The following UQCRFS1 variants were observed in gnomAD, a reference collection of about 807,000 sequenced individuals.
The protein encoded by UQCRFS1 is cytochrome b-c1 complex subunit Rieske, mitochondrial.
UQCRFS1 carries 6 observed loss-of-function variants against 15.6 expected under a neutral mutation model. The ratio of observed to expected loss-of-function variants is 0.38; its 90% confidence interval spans 0.21 to 0.76. The LOEUF (loss-of-function observed/expected upper bound fraction) is 0.76, where lower values mean the gene tolerates loss of function less well. Among genes scored for constraint, UQCRFS1 ranks in the 30% least tolerant of loss-of-function variants. The probability of loss-of-function intolerance (pLI) is 0.44; values close to 1 mark genes in which losing one functional copy is unlikely to be tolerated. For missense variants in UQCRFS1, 203 were observed against 366.7 expected, an observed-to-expected ratio of 0.55 and a Z score of 3.65; for synonymous variants, 105 against 154.3, an observed-to-expected ratio of 0.68 and a Z score of 2.37.
intron 1 of UQCRFS1, among the ~76,000 whole-genome samples, chr19:29,212,168 G>A (rs949669336): frequency 1.3e-5 from 2 of 152,192 alleles, no homozygotes; most frequent in Admixed American, 1.3e-4. Flanking sequence ...AGGACAGAGG[G>A]TGTGGAATAG....
chr19:29,212,969 G>A lies in UQCRFS1; in HGVS notation c.150C>T (p.Leu50=), dbSNP rs953154482. 8.6e-6 allele frequency: 12 copies of A among 1,401,360 alleles called. No homozygotes were observed. Among genetic ancestry groups the A allele is most frequent in the East Asian group, 6.0e-5 (2 of 33,262 alleles). 86.8% of individuals were successfully genotyped at this position (1,401,360 alleles called of 1,614,324 possible). Reference sequence around the variant, plus strand: ...CCTGGCCGCTCAGCGACTCCCGGCTGAGGAAGGGCCGCTTCAGGTCCAACA... The same window carrying A: ...CCTGGCCGCTCAGCGACTCCCGGCTAAGGAAGGGCCGCTTCAGGTCCAACA... ...QPVLDLKRPF[L]SRESLSGQAV... Residue 50 remains leucine, a synonymous_variant, in exon 1 of 2, where the codon CTC becomes CTT. Transcript: ENST00000304863.
chr19:29,210,925 G>A (rs1976639804), intron 1 of UQCRFS1, among the ~76,000 whole-genome samples: 1 of 151,870 alleles, frequency 6.6e-6, no homozygotes, highest in South Asian at 2.1e-4. Flanking sequence ...GATCCCTGAG[G>A]AATCTCCACA....
At chr19:29,211,766 G>C (rs529911880) in intron 1 of UQCRFS1, among the ~76,000 whole-genome samples, 2 of 152,224 alleles carry the variant, frequency 1.3e-5, no homozygotes, top group Non-Finnish European at 2.9e-5. Context: ...AGAAAGTGCA[G>C]AGCCCAGGGT....
intron 1 of UQCRFS1, among the ~76,000 whole-genome samples, chr19:29,209,339 C>T (rs151186283): frequency 1.2e-4 from 19 of 152,222 alleles, no homozygotes; most frequent in African/African-American, 4.6e-4. Flanking sequence ...TTTTATGATG[C>T]ATTTTTATTG....
intron 1 of UQCRFS1, among the ~76,000 whole-genome samples, chr19:29,212,017 AAG>A (rs1172255172): frequency 6.6e-6 from 1 of 152,228 alleles, no homozygotes; most frequent in African/African-American, 2.4e-5. Context: ...CCAGCATTTT[AAG>A]AGATGCCATT....
chr19:29,208,923 T>G (rs1976618086), intron 1 of UQCRFS1, among the ~76,000 whole-genome samples: 1 of 152,144 alleles, frequency 6.6e-6, no homozygotes, highest in African/African-American at 2.4e-5. Flanking sequence ...AATTTTCATA[T>G]CTCCCCCTCT....
rs114048814 is a variant in UQCRFS1, at chr19:29,212,812, C to T, written c.214+93G>A. The T allele has an allele frequency of 1.2e-3, 1,497 of 1,282,388 alleles. 13 individuals are homozygous for T. The African/African-American group carries it at 0.021, about 18-fold the overall frequency. 79.4% of individuals were successfully genotyped at this position (1,282,388 alleles called of 1,614,324 possible). ...GCCCAGCCCGACCTGATTCAGGCTC[C>T]GCTCGCGCGCCCGCGGCCGCTCCCT... On this transcript the variant is annotated intron_variant, in intron 1 of 1. Coordinates refer to ENST00000304863, the MANE Select transcript of UQCRFS1 (RefSeq NM_006003.3).
In UQCRFS1 at chr19:29,206,805, C is replaced by A. The variant is rs1029624370; in HGVS notation, c.*743G>T. The A allele has an allele frequency of 2.0e-5, 3 of 152,212 alleles. No individual in the cohort carries two copies. Among genetic ancestry groups the A allele is most frequent in the Non-Finnish European group, 4.4e-5 (3 of 68,054 alleles). 9.4% of individuals were successfully genotyped at this position (152,212 alleles called of 1,614,324 possible). A position where few individuals can be genotyped will look rare whatever the true frequency, so the allele number is the denominator to read the frequency against. ...CTTTGGGGACATGATGAACCACACA[C>A]AAAATGAACGAAATGGCAGAGCACT... On this transcript the variant is annotated 3_prime_UTR_variant, in exon 2 of 2. Coordinates refer to ENST00000304863, the MANE Select transcript of UQCRFS1 (RefSeq NM_006003.3).
intron 1 of UQCRFS1, among the ~76,000 whole-genome samples, chr19:29,210,834 C>A (rs989353107): frequency 4.0e-4 from 61 of 152,060 alleles, no homozygotes; most frequent in African/African-American, 1.4e-3. Flanking sequence ...GTAAATGTGT[C>A]TTTATAGCAG....
At chr19:29,212,857 G>T (rs1330031475) in intron 1 of UQCRFS1, 48 bp downstream of exon 1, 6 of 1,376,712 alleles carry the variant, frequency 4.4e-6, no homozygotes, top group Non-Finnish European at 5.6e-6. Flanking sequence ...CGGAGGAGCG[G>T]GCACCGAGAG....
chr19:29,210,749 C>T (rs900057647), intron 1 of UQCRFS1, among the ~76,000 whole-genome samples: 8 of 152,050 alleles, frequency 5.3e-5, no homozygotes, highest in African/African-American at 1.4e-4. Context: ...TTTCTTAATC[C>T]GGTCTATCAT....
intron 1 of UQCRFS1, among the ~76,000 whole-genome samples, chr19:29,211,761 G>A (rs1162135797): frequency 2.0e-5 from 3 of 152,198 alleles, no homozygotes; most frequent in African/African-American, 7.2e-5. Flanking sequence ...CATGAAGAAA[G>A]TGCAGAGCCC....
intron 1 of UQCRFS1, among the ~76,000 whole-genome samples, chr19:29,209,442 G>C (rs2145206505): frequency 6.6e-6 from 1 of 152,224 alleles, no homozygotes; most frequent in African/African-American, 2.4e-5. Context: ...TGGAATACCT[G>C]AACTGCTTTT....
At chr19:29,209,569 G>A (rs1489544594) in intron 1 of UQCRFS1, among the ~76,000 whole-genome samples, 2 of 152,064 alleles carry the variant, frequency 1.3e-5, no homozygotes, top group Non-Finnish European at 2.9e-5. Flanking sequence ...GAGAAGACCA[G>A]GACACAGATA....
chr19:29,211,861 A>T (rs1027609355), intron 1 of UQCRFS1, among the ~76,000 whole-genome samples: 11 of 151,624 alleles, frequency 7.3e-5, no homozygotes, highest in African/African-American at 2.2e-4. Flanking sequence ...CAGTGGAGCC[A>T]GGCTGGTAAC....
At chr19:29,211,287 C>A (rs1010505579) in intron 1 of UQCRFS1, among the ~76,000 whole-genome samples, 1 of 152,076 alleles carries the variant, frequency 6.6e-6, no homozygotes, top group African/African-American at 2.4e-5. Flanking sequence ...AAATGCTCAG[C>A]ATCACTGGCC....
rs1976606770 is a variant in UQCRFS1 at position 29,207,728 on chromosome 19, A to C, written c.645T>G (p.Gly215=). The C allele has an allele frequency of 6.2e-7, 1 of 1,613,850 alleles. No homozygotes were observed. The highest frequency in any genetic ancestry group is 8.5e-7 in the Non-Finnish European group (1 of 1,179,874). ...GTACACAGCCAAGATGAGTGCAAAC[A>C]CCTATCAGGATAACCCATTCAGGTT... ...VKKPEWVILI[G]VCTHLGCVPI... is the part of the protein sequence containing the mutation. The change falls in exon 2 of 2, where the codon GGT becomes GGG. Residue 215 remains glycine, a synonymous_variant. Coordinates refer to ENST00000304863, the MANE Select transcript of UQCRFS1 (RefSeq NM_006003.3).
chr19:29,206,225 TGC>T lies in UQCRFS1; in HGVS notation c.*1321_*1322del, dbSNP rs67231657. On this transcript the variant is annotated 3_prime_UTR_variant, in exon 2 of 2. Coordinates refer to ENST00000304863, the MANE Select transcript of UQCRFS1 (RefSeq NM_006003.3). ...TCTGTGTCCCACCAATTATCACACATGCTAATTTCATTTCTAGAATGGTAAAA... is the reference window on the plus strand; with the variant it reads ...TCTGTGTCCCACCAATTATCACACATTAATTTCATTTCTAGAATGGTAAAA... The T allele has an allele frequency of 5.9e-5, 3 of 51,090 alleles. No individual in the cohort carries two copies. Among genetic ancestry groups the T allele is most frequent in the South Asian group, 8.0e-4 (1 of 1,254 alleles). The allele number at this position is 51,090 out of a possible 1,614,324, so 3.2% of individuals were successfully genotyped here. A position where few individuals can be genotyped will look rare whatever the true frequency, so the allele number is the denominator to read the frequency against.
Position 29,206,857 on chromosome 19 carries a change from A to G in UQCRFS1, c.*691T>C. 6.6e-6 allele frequency: 1 copy of G among 152,234 alleles called. No homozygotes were observed. 9.4% of individuals were successfully genotyped at this position (152,234 alleles called of 1,614,324 possible). The stretch of plus-strand genomic sequence containing the variant: ...TCATTTTGGAAAGTTTCTCTCAGGT[A>G]ATATCCCATCACTGCCTATTAAGAC... On this transcript the variant is annotated 3_prime_UTR_variant, in exon 2 of 2. Coordinates refer to ENST00000304863, the MANE Select transcript of UQCRFS1 (RefSeq NM_006003.3).
Sources: allele counts gnomAD v4.1 joint callset (sites outside exome capture counted in the v4.1 genomes callset), GRCh38; gene constraint gnomAD v4.1.1; transcripts MANE v1.5; gene names NCBI Gene and HGNC (gene_info 2026-07-23, HGNC 2026-07-21).